The following OSTN variants were observed in gnomAD, a reference collection of about 807,000 sequenced individuals.
The protein encoded by OSTN is osteocrin.
A neutral mutation model predicts 12.0 loss-of-function variants in OSTN; 9 were observed. The ratio of observed to expected loss-of-function variants is 0.75; its 90% confidence interval spans 0.45 to 1.30. The LOEUF is 1.30. OSTN is among the 50% of genes most tolerant of loss of function. The probability of loss-of-function intolerance (pLI) is 0.00; values close to 1 mark genes in which losing one functional copy is unlikely to be tolerated. For missense variants in OSTN, 148 were observed against 152.3 expected (o/e 0.97, Z 0.15); for synonymous variants, 59 against 56.9 (o/e 1.04, Z -0.16).
chr3:191,209,836 G>T (rs929056010), intron 1 of OSTN, among the ~76,000 whole-genome samples: 3 of 151,754 alleles, frequency 2.0e-5, no homozygotes, highest in African/African-American at 7.3e-5. Context: ...CATTTCTTGC[G>T]TTTGAAATAC....
chr3:191,240,400 A>G (rs1300762287), intron 3 of OSTN, among the ~76,000 whole-genome samples: 1 of 152,120 alleles, frequency 6.6e-6, no homozygotes, highest in Non-Finnish European at 1.5e-5. Context: ...TTTTTTCTAC[A>G]TGCTCCTTAA....
chr3:191,235,405 C>T (rs901605359), intron 3 of OSTN, among the ~76,000 whole-genome samples: 2 of 152,188 alleles, frequency 1.3e-5, no homozygotes, highest in Non-Finnish European at 2.9e-5. Context: ...TCTCCCCTAT[C>T]ACAGTAGGCT....
rs956334734 is a variant in OSTN, at chr3:191,263,014, G to A, written c.*161G>A. ...CTTCAGTCCATCACATTACAGCATT[G>A]TTACAGCTTCAATTAAATTGTGTAA... On this transcript the variant is annotated 3_prime_UTR_variant, in exon 5 of 5. Transcript: ENST00000682035. 2.6e-5 allele frequency: 15 copies of A among 582,604 alleles called. No homozygotes were observed. The highest frequency in any genetic ancestry group is 3.2e-4 in the Middle Eastern group (1 of 3,116). The allele number at this position is 582,604 out of a possible 1,614,324, so 36.1% of individuals were successfully genotyped here. A position where few individuals can be genotyped will look rare whatever the true frequency, so the allele number is the denominator to read the frequency against.
intron 3 of OSTN, among the ~76,000 whole-genome samples, chr3:191,241,524 C>A (rs1330065475): frequency 1.3e-5 from 2 of 151,976 alleles, no homozygotes; most frequent in Non-Finnish European, 2.9e-5. Context: ...CATTTTAGTG[C>A]CCCTTTAAGT....
intron 3 of OSTN, among the ~76,000 whole-genome samples, chr3:191,238,924 T>C (rs1366023820): frequency 6.6e-6 from 1 of 152,224 alleles, no homozygotes; most frequent in Middle Eastern, 3.2e-3. Context: ...TTACAGACCC[T>C]AACCCTCAAA....
intron 2 of OSTN, among the ~76,000 whole-genome samples, chr3:191,214,085 G>A (rs990688514): frequency 1.8e-4 from 27 of 152,108 alleles, no homozygotes; most frequent in Admixed American, 1.7e-3. Context: ...GACAAAAGTG[G>A]TATTGGGGAT....
intron 4 of OSTN, among the ~76,000 whole-genome samples, chr3:191,259,979 G>A (rs6444527): frequency 0.2 from 30,275 of 149,676 alleles, 3,496 homozygotes; most frequent in Admixed American, 0.26. Flanking sequence ...CTCAGCCTCC[G>A]GGGTAGCTGG....
rs559502323 is a variant in OSTN, at chr3:191,202,991, T to C, written c.-1+3684T>C. Among the ~76,000 whole-genome samples, 17 of 152,336 alleles carry C rather than the reference T, an allele frequency of 1.1e-4. No homozygotes were observed. The South Asian group carries it at 3.5e-3, about 32-fold the overall frequency. The stretch of plus-strand genomic sequence containing the variant: ...GGAGAAATCCTAAAGTTTAGAGGAA[T>C]GATTATTTGAGGTTAGTGATGCATG... On this transcript the variant is annotated intron_variant, in intron 1 of 4. Transcript: ENST00000682035.
chr3:191,241,995 A>C (rs1430000671), intron 3 of OSTN, among the ~76,000 whole-genome samples: 1 of 152,078 alleles, frequency 6.6e-6, no homozygotes, highest in Non-Finnish European at 1.5e-5. Context: ...AGCAAAACAA[A>C]TAGCAATGTA....
At chr3:191,225,426 T>C (rs564543319) in intron 3 of OSTN, among the ~76,000 whole-genome samples, 48 of 152,298 alleles carry the variant, frequency 3.2e-4, no homozygotes, top group African/African-American at 1.1e-3. Flanking sequence ...ACTTTATCTT[T>C]TCAGAGAATA....
At chr3:191,260,507 C>A (rs1715782398) in intron 4 of OSTN, among the ~76,000 whole-genome samples, 1 of 152,176 alleles carries the variant, frequency 6.6e-6, no homozygotes, top group African/African-American at 2.4e-5. Context: ...TGCCAGTAAT[C>A]TGTGACACCA....
chr3:191,233,529 C>T (rs184404038), intron 3 of OSTN, among the ~76,000 whole-genome samples: 10 of 152,160 alleles, frequency 6.6e-5, no homozygotes, highest in Non-Finnish European at 1.2e-4. Context: ...CTCCACATCC[C>T]GGGTTCTAGC....
intron 4 of OSTN, among the ~76,000 whole-genome samples, chr3:191,254,272 T>C (rs1327325334): frequency 6.6e-6 from 1 of 152,208 alleles, no homozygotes; most frequent in African/African-American, 2.4e-5. Flanking sequence ...TTTTCTAGAG[T>C]CTCTGAAGCA....
intron 3 of OSTN, among the ~76,000 whole-genome samples, chr3:191,221,105 C>T (rs752045965): frequency 7.9e-5 from 12 of 152,132 alleles, no homozygotes; most frequent in Non-Finnish European, 1.6e-4. Flanking sequence ...TTCTCCCTTT[C>T]GCTCTGCTCT....
At chr3:191,260,373 A>G (rs1337482008) in intron 4 of OSTN, among the ~76,000 whole-genome samples, 2 of 152,120 alleles carry the variant, frequency 1.3e-5, no homozygotes, top group African/African-American at 4.8e-5. Flanking sequence ...ACAATGCCAA[A>G]GATTCCCCCA....
intron 3 of OSTN, among the ~76,000 whole-genome samples, chr3:191,242,824 T>C (rs966467133): frequency 2.6e-5 from 4 of 152,212 alleles, no homozygotes; most frequent in Admixed American, 1.3e-4. Flanking sequence ...AAAATATTGA[T>C]GTTTTAAAAC....
rs143372585 is a variant in OSTN at position 191,261,699 on chromosome 3, CCT to C, written c.*13-1166_*13-1165del. On this transcript the variant is annotated intron_variant, in intron 4 of 4. Coordinates refer to ENST00000682035, the MANE Select transcript of OSTN (RefSeq NM_198184.2). ...TACCAGACCAAACACTAATTTCTTC[CCT>C]GATACGTATTTTTGAAAGGACGATA... Among the ~76,000 whole-genome samples the C allele has an allele frequency of 6.9e-3, 1,057 of 152,276 alleles. 13 individuals carry two copies. The highest frequency in any genetic ancestry group is 0.023 in the African/African-American group (951 of 41,562).
chr3:191,246,131 T>C (rs16866371), intron 3 of OSTN, among the ~76,000 whole-genome samples: 5,199 of 149,678 alleles, frequency 0.035, 137 homozygotes, highest in Non-Finnish European at 0.052. Flanking sequence ...CATCTATTTC[T>C]AAAGGGAGTT....
intron 4 of OSTN, among the ~76,000 whole-genome samples, chr3:191,257,072 G>T (rs1199097124): frequency 6.6e-6 from 1 of 150,754 alleles, no homozygotes; most frequent in Non-Finnish European, 1.5e-5. Flanking sequence ...TGTAGTCCCA[G>T]CTACTTGGGA....
Sources: gnomAD v4.1 joint callset for allele counts (sites outside exome capture counted in the v4.1 genomes callset) on GRCh38, gnomAD v4.1.1 for gene constraint, MANE v1.5 for transcripts, NCBI Gene and HGNC (gene_info 2026-07-23, HGNC 2026-07-21) for gene names.